LRP2: variants seen among roughly 807,000 people sequenced by gnomAD.
LRP2 encodes low-density lipoprotein receptor-related protein 2.
Under a neutral mutation model 531.0 loss-of-function variants are expected in LRP2, and 172 were observed. That is an observed-to-expected ratio of 0.32 (90% CI 0.29 to 0.37). The LOEUF is 0.37. Ranked by LOEUF, LRP2 falls within the 10% of genes least tolerant of loss-of-function variation. The pLI, the probability that LRP2 is intolerant of heterozygous loss-of-function variation, is 1.00. For missense variants in LRP2, 5,167 were observed against 5,868.3 expected, an observed-to-expected ratio of 0.88 and a Z score of 3.90; for synonymous variants, 1,992 against 2,027.6, an observed-to-expected ratio of 0.98 and a Z score of 0.47.
In LRP2 at chr2:169,185,749, T is replaced by C; in HGVS notation, c.9599A>G (p.Tyr3200Cys). 2 of 1,613,796 alleles carry C rather than the reference T, an allele frequency of 1.2e-6. No homozygotes were observed. Among genetic ancestry groups the C allele is most frequent in the South Asian group, 1.1e-5 (1 of 91,072 alleles). ...ATAGTAACGGTTGCTAAAAATGAGA[T>C]AGGGTTCGATGTTACTGTTTTGCCG... ...TCRQNSNIEP[Y>C]LIFSNRYYLR... is the part of the protein sequence containing the mutation. Residue 3200 changes from tyrosine (Y) to cysteine (C), a missense_variant, in exon 50 of 79, where the codon TAT becomes TGT. Coordinates refer to ENST00000649046, the MANE Select transcript of LRP2 (RefSeq NM_004525.3).
At chr2:169,148,151 T>A (rs1039976880) in intron 68 of LRP2, among the ~76,000 whole-genome samples, 3 of 152,190 alleles carry the variant, frequency 2.0e-5, no homozygotes, top group African/African-American at 7.2e-5. Context: ...TCTCAACAAC[T>A]GGTAAATACC....
chr2:169,138,530 T>A (rs370721873), intron 75 of LRP2, 47 bp downstream of exon 75: 1 of 1,604,400 alleles, frequency 6.2e-7, no homozygotes, highest in Admixed American at 1.7e-5. Flanking sequence ...AAAGTATTTA[T>A]TCTATAAATG....
intron 69 of LRP2, among the ~76,000 whole-genome samples, 163 bp downstream of exon 69, chr2:169,146,576 A>C (rs571063936): frequency 6.6e-6 from 1 of 152,306 alleles, no homozygotes; most frequent in South Asian, 2.1e-4. Flanking sequence ...ACTCATCTGC[A>C]TTTAATTCAG....
intron 34 of LRP2, among the ~76,000 whole-genome samples, chr2:169,218,432 T>A (rs1688872953): frequency 6.6e-6 from 1 of 152,148 alleles, no homozygotes; most frequent in Non-Finnish European, 1.5e-5. Flanking sequence ...TCATCCCAAT[T>A]TTTTTAGCCT....
At chr2:169,308,100 T>A (rs1383756447) in intron 3 of LRP2, among the ~76,000 whole-genome samples, 1 of 152,162 alleles carries the variant, frequency 6.6e-6, no homozygotes, top group Non-Finnish European at 1.5e-5. Context: ...GGATTTTAAA[T>A]TGTCTACATA....
At position 169,244,819 on chromosome 2, in the gene LRP2, G is replaced by A. The variant is rs1689944084; in HGVS notation, c.3304C>T (p.Pro1102Ser). 2 of 1,614,212 alleles carry A rather than the reference G, an allele frequency of 1.2e-6. No homozygotes were observed. Among genetic ancestry groups the A allele is most frequent in the South Asian group, 2.2e-5 (2 of 91,090 alleles). Residue 1102 changes from proline to serine, a missense_variant, in exon 22 of 79, where the codon CCC (proline) becomes TCC (serine). Pro to Ser is a moderately conservative substitution (Grantham distance 74, BLOSUM62 -1). Transcript: ENST00000649046. ...CVDGSDEHNC[P>S]THAPASCLDT... ...AGGCAGGAAGCAGGTGCGTGGGTGGGGCAGTTGTGCTCATCACTGCCATCC... is the reference window on the plus strand; with the variant it reads ...AGGCAGGAAGCAGGTGCGTGGGTGGAGCAGTTGTGCTCATCACTGCCATCC...
chr2:169,142,225 A>G (rs1383922236), intron 71 of LRP2, among the ~76,000 whole-genome samples: 1 of 152,228 alleles, frequency 6.6e-6, no homozygotes, highest in African/African-American at 2.4e-5. Context: ...CAGCTTCCTC[A>G]TGCTGGTCTT....
At chr2:169,231,610 G>A (rs1216708646) in intron 31 of LRP2, 104 bp downstream of exon 31, 3 of 1,410,020 alleles carry the variant, frequency 2.1e-6, no homozygotes. Context: ...AGGAATCAAA[G>A]GACACAGCAC....
At chr2:169,259,345 T>TA (rs58193729) in intron 16 of LRP2, 128 bp from the exon 17 acceptor site, 524 of 421,564 alleles carry the variant, frequency 1.2e-3, no homozygotes, top group African/African-American at 4.0e-3. Flanking sequence ...TGGAATTCTT[T>TA]AAAAAAAAAA....
In LRP2 at chr2:169,152,855, G is replaced by T; in HGVS notation, c.12405C>A (p.Asp4135Glu). 6.2e-7 allele frequency: 1 copy of T among 1,614,074 alleles called. No individual in the cohort carries two copies. The highest frequency in any genetic ancestry group is 8.5e-7 in the Non-Finnish European group (1 of 1,179,958). Residue 4135 changes from aspartate (D) to glutamate (E), a missense_variant, in exon 67 of 79, where the codon GAC becomes GAA. By Grantham distance (45) the Asp-to-Glu change is conservative. This residue lies in a region of LRP2 where 564 missense variants were observed against 747.7 expected (regional missense o/e 0.75). Transcript: ENST00000649046. ...SGRNNLVQEV[D>E]LKLKYVMQPD... The stretch of plus-strand genomic sequence containing the variant: ...GCTGCATTACGTATTTCAGTTTCAG[G>T]TCAACTTCCTGCACAAGATTATTGC...
In LRP2 at chr2:169,230,398, A is replaced by G. The variant is rs147704856; in HGVS notation, c.5227+1316T>C. Among the ~76,000 whole-genome samples, 423 of 152,376 alleles carry G rather than the reference A, an allele frequency of 2.8e-3. 1 individual carries two copies. The highest frequency in any genetic ancestry group is 9.3e-3 in the African/African-American group (387 of 41,586). ...CATCATGAAAGTATCATTGCACAAT[A>G]TTACATGCTGATGGAATTTGATTTT... On this transcript the variant is annotated intron_variant, in intron 31 of 78. Coordinates refer to ENST00000649046, the MANE Select transcript of LRP2 (RefSeq NM_004525.3).
In LRP2 at chr2:169,206,614, T is replaced by C; in HGVS notation, c.7106A>G (p.Asp2369Gly). ...ALPGLHTPKC[D>G]CAFGTLQSDG... ...ACTTTGCAGGGTCCCAAAGGCACAG[T>C]CACATTTTGGGGTGTGCAATCCAGG... Residue 2369 changes from aspartate (D) to glycine (G), a missense_variant, in exon 39 of 79, where the codon GAC becomes GGC. Coordinates refer to ENST00000649046, the MANE Select transcript of LRP2 (RefSeq NM_004525.3). 2 of 1,614,130 alleles carry C rather than the reference T, an allele frequency of 1.2e-6. No homozygotes were observed. Among genetic ancestry groups the C allele is most frequent in the South Asian group, 2.2e-5 (2 of 91,078 alleles).
chr2:169,246,899 C>G lies in LRP2; in HGVS notation c.2996G>C (p.Gly999Ala). The G allele has an allele frequency of 1.9e-6, 3 of 1,614,162 alleles. No homozygotes were observed. Among genetic ancestry groups the G allele is most frequent in the Non-Finnish European group, 1.7e-6 (2 of 1,180,036 alleles). The change falls in exon 21 of 79, where the codon GGG becomes GCG. Residue 999 changes from glycine to alanine, a missense_variant. Physicochemically the swap from Gly to Ala is moderately conservative, Grantham distance 60. Around this residue, in one of 6 missense-constraint regions of LRP2, gnomAD observed 2,811 missense variants for 3,058.0 expected, o/e 0.92. Transcript: ENST00000649046. ...AGCCAGCCTCATTCCATAAGGGCAC[C>G]CACACACTCGCTGGAAATTTGGCAC... ...FPVPNFQRVCGCPYGMRLASN... is the reference protein window; with the variant it reads ...FPVPNFQRVCACPYGMRLASN...
At position 169,188,061 on chromosome 2, in the gene LRP2, C is replaced by T. The variant is rs1164684709; in HGVS notation, c.9237G>A (p.Glu3079=). The T allele has an allele frequency of 6.2e-7, 1 of 1,614,044 alleles. No individual in the cohort carries two copies. Among genetic ancestry groups the T allele is most frequent in the African/African-American group, 1.3e-5 (1 of 74,912 alleles). The change falls in exon 49 of 79, where the codon GAG becomes GAA. Residue 3079 remains glutamate (E), a synonymous_variant. Transcript: ENST00000649046. ...HTPEPTCPPH[E]FKCDNGRCIE... Reference sequence around the variant, plus strand: ...TGCAGCGCCCATTGTCACACTTGAACTCGTGAGGTGGACACGTGGGTTCTG... The same window carrying T: ...TGCAGCGCCCATTGTCACACTTGAATTCGTGAGGTGGACACGTGGGTTCTG...
chr2:169,321,005 T>C (rs1352035599), intron 1 of LRP2, 121 bp from the exon 2 acceptor site: 16 of 712,970 alleles, frequency 2.2e-5, no homozygotes, highest in Non-Finnish European at 3.5e-5. Flanking sequence ...AAATGCAAAT[T>C]AGAAAATTAG....
intron 4 of LRP2, among the ~76,000 whole-genome samples, chr2:169,295,320 G>C (rs1022731369): frequency 6.6e-6 from 1 of 152,168 alleles, no homozygotes; most frequent in Non-Finnish European, 1.5e-5. Flanking sequence ...ACAGGGTAGA[G>C]CGGCCTGAAA....
At chr2:169,302,973 A>G (rs940814964) in intron 4 of LRP2, among the ~76,000 whole-genome samples, 5 of 152,088 alleles carry the variant, frequency 3.3e-5, no homozygotes, top group African/African-American at 1.2e-4. Flanking sequence ...TAGGTGTGAT[A>G]ATGATATTAT....
intron 53 of LRP2, 49 bp from the exon 54 acceptor site, chr2:169,176,637 CA>C: frequency 1.3e-6 from 2 of 1,530,862 alleles, no homozygotes; most frequent in Non-Finnish European, 1.8e-6. Context: ...AAGAGAGTAT[CA>C]AGCACAGATT....
intron 4 of LRP2, among the ~76,000 whole-genome samples, chr2:169,299,669 A>T (rs896771612): frequency 2.0e-5 from 3 of 152,154 alleles, no homozygotes; most frequent in Non-Finnish European, 4.4e-5. Flanking sequence ...ACAAATGTTT[A>T]TAATGTACAT....
Sources: gnomAD v4.1 joint callset for allele counts (sites outside exome capture counted in the v4.1 genomes callset) on GRCh38, gnomAD v4.1.1 for gene constraint, gnomAD v4.1.1 regional missense constraint, MANE v1.5 for transcripts, NCBI Gene and HGNC (gene_info 2026-07-23, HGNC 2026-07-21) for gene names.